Variants in PLCH2 observed in about 807,000 individuals in gnomAD.
The protein encoded by PLCH2 is phospholipase C eta 2.
In PLCH2, 98 loss-of-function variants were observed where a neutral mutation model predicts 134.7. That is an observed-to-expected ratio of 0.73 (90% CI 0.62 to 0.86). The LOEUF (loss-of-function observed/expected upper bound fraction) is 0.86. Among genes scored for constraint, PLCH2 ranks in the 40% least tolerant of loss-of-function variants. The probability of loss-of-function intolerance (pLI) is 0.00; values close to 1 mark genes in which losing one functional copy is unlikely to be tolerated. For missense variants in PLCH2, 1,994 were observed against 1,986.6 expected (o/e 1.00, Z -0.07); for synonymous variants, 974 against 827.5 (o/e 1.18, Z -3.04).
At chr1:2,430,610 C>A (rs999773443) in exon 2 of PLCH2, 1 of 134,638 alleles carries the variant, frequency 7.4e-6, no homozygotes, top group African/African-American at 2.6e-5. Context: ...TTTTCTTGAG[C>A]GCCAACATTC....
rs373840867 is a variant in PLCH2, at chr1:2,504,074, G to A, written c.3112G>A (p.Gly1038Arg). 95 of 1,548,440 alleles carry A rather than the reference G, an allele frequency of 6.1e-5. No homozygotes were observed. The East Asian group carries it at 8.3e-4, about 13-fold the overall frequency. ...QGRPPYPTGP[G>R]ANVASPLEDT... Reference sequence around the variant, plus strand: ...ACGGCCCCCATACCCCACAGGACCCGGAGCCAATGTGGCAAGCCCCCTAGA... The same window carrying A: ...ACGGCCCCCATACCCCACAGGACCCAGAGCCAATGTGGCAAGCCCCCTAGA... Residue 1038 changes from glycine to arginine, a missense_variant, in exon 22 of 22, where the codon GGA becomes AGA. By Grantham distance (125) the Gly-to-Arg change is moderately radical (BLOSUM62 -2). Coordinates refer to ENST00000378486, the MANE Select transcript of PLCH2 (RefSeq NM_014638.4).
In PLCH2 at chr1:2,450,081, G is replaced by A. The variant is rs559758840; in HGVS notation, c.115+19452G>A. 3.9e-5 allele frequency among the ~76,000 whole-genome samples: 6 copies of A among 152,352 alleles called. No homozygotes were observed. The South Asian group carries it at 6.2e-4, about 16-fold the overall frequency. ...CTCCTGAGCCACCTCAAGGAGCCCCGGCCCCTCCCAGCTGGGCCCGTCCCC... is the reference window on the plus strand; with the variant it reads ...CTCCTGAGCCACCTCAAGGAGCCCCAGCCCCTCCCAGCTGGGCCCGTCCCC... On this transcript the variant is annotated intron_variant, in intron 2 of 3. Coordinates refer to the PLCH2 transcript ENST00000609981.
intron 19 of PLCH2, 25 bp downstream of exon 19, chr1:2,499,255 C>T (rs773728881): frequency 2.5e-6 from 4 of 1,610,792 alleles, no homozygotes; most frequent in Non-Finnish European, 3.4e-6. Context: ...ACACGGTGCC[C>T]CCCACACTGG....
Position 2,450,231 on chromosome 1 carries a change from T to C in PLCH2, c.115+19602T>C, listed in dbSNP as rs1640127133. Among the ~76,000 whole-genome samples the C allele has an allele frequency of 2.6e-5, 4 of 152,262 alleles. No homozygotes were observed. The South Asian group carries it at 8.3e-4, about 32-fold the overall frequency. ...CTCCTCCCAGGAGGGAGTTTGGTTT[T>C]TGTCTGCAAAATGTGATCCTTCGAG... On this transcript the variant is annotated intron_variant, in intron 2 of 3. Transcript: ENST00000609981.
chr1:2,426,161 C>T (rs1165460039), intron 1 of PLCH2: 7 of 152,388 alleles, frequency 4.6e-5, no homozygotes, highest in Admixed American at 4.6e-4. Flanking sequence ...CAGGGTGTCA[C>T]CCATCAGAGC....
intron 2 of PLCH2, among the ~76,000 whole-genome samples, chr1:2,433,785 G>A (rs896130854): frequency 3.9e-5 from 6 of 152,318 alleles, no homozygotes; most frequent in East Asian, 3.9e-4. Flanking sequence ...CCGCTCCTTC[G>A]TGGCTTTGGG....
chr1:2,496,544 A>C (rs1468710192), intron 13 of PLCH2, 63 bp from the exon 14 acceptor site: 4 of 1,372,388 alleles, frequency 2.9e-6, no homozygotes, highest in Non-Finnish European at 3.1e-6. Flanking sequence ...AGCCCGTCTC[A>C]CGGAGCTGGG....
At chr1:2,453,837 G>A (rs866287788) in intron 2 of PLCH2, among the ~76,000 whole-genome samples, 39 of 152,184 alleles carry the variant, frequency 2.6e-4, no homozygotes, top group African/African-American at 8.9e-4. Flanking sequence ...GGCTGCTATG[G>A]CTTCCAGGGT....
the PLCH2 span, among the ~76,000 whole-genome samples, chr1:2,416,649 G>T: frequency 3.7e-4 from 56 of 152,330 alleles, 1 homozygote; most frequent in Admixed American, 2.0e-4. Context: ...TGGGGAGGGC[G>T]GGGCCCGGCA....
At chr1:2,491,151 C>A (rs1327257431) in intron 10 of PLCH2, 41 bp from the exon 11 acceptor site, 3 of 1,590,580 alleles carry the variant, frequency 1.9e-6, no homozygotes, top group Non-Finnish European at 2.6e-6. Context: ...ACTCGCAGGG[C>A]TCGGGACAGA....
intron 2 of PLCH2, among the ~76,000 whole-genome samples, chr1:2,443,933 A>G (rs1312159097): frequency 6.6e-6 from 1 of 151,694 alleles, no homozygotes; most frequent in African/African-American, 2.4e-5. Context: ...TGCAGCCGCC[A>G]CGGAGACAAT....
At position 2,436,281 on chromosome 1, in the gene PLCH2, CTCCCTCCTCCTTTCCTCCTTCT is replaced by C. The variant is rs1557942774; in HGVS notation, c.115+5663_115+5684del. On this transcript the variant is annotated intron_variant, in intron 2 of 3. Transcript: ENST00000609981. ...CTCCCTCCTCCTCCTTTCCTCCTTC[CTCCCTCCTCCTTTCCTCCTTCT>C]TCCCTCCTCCCTTCCTCCCTCCTCC... 8.4e-4 allele frequency among the ~76,000 whole-genome samples: 72 copies of C among 85,988 alleles called. 2 individuals carry two copies. Among genetic ancestry groups the C allele is most frequent in the African/African-American group, 3.1e-3 (68 of 22,150 alleles). The allele number at this position is 85,988 out of a possible 152,430, so 56.4% of individuals were successfully genotyped here.
At chr1:2,425,219 C>G (rs1170044715), upstream of PLCH2, among the ~76,000 whole-genome samples, 1 of 150,158 alleles carries the variant, frequency 6.7e-6, no homozygotes, top group African/African-American at 2.5e-5. Context: ...CGCATGCACA[C>G]ACACACATAT....
chr1:2,485,972 G>A (rs918952184), intron 5 of PLCH2, among the ~76,000 whole-genome samples: 1 of 152,166 alleles, frequency 6.6e-6, no homozygotes, highest in Non-Finnish European at 1.5e-5. Flanking sequence ...CAGTCCTGCA[G>A]GCATGACACC....
intron 2 of PLCH2, among the ~76,000 whole-genome samples, chr1:2,462,016 C>G (rs1032921265): frequency 6.6e-6 from 1 of 151,822 alleles, no homozygotes; most frequent in Admixed American, 6.6e-5. Context: ...GGCTGTGCCA[C>G]TCGGCAGCCC....
At position 2,443,350 on chromosome 1, in the gene PLCH2, G is replaced by A. The variant is rs1461289634; in HGVS notation, c.115+12721G>A. On this transcript the variant is annotated intron_variant, in intron 2 of 3. Coordinates refer to the PLCH2 transcript ENST00000609981. Reference sequence around the variant, plus strand: ...CAGGCCCCAGTCCTCAAACGCCAGGGTGTTGGGAGTGGGGGGTGGGTTGTA... The same window carrying A: ...CAGGCCCCAGTCCTCAAACGCCAGGATGTTGGGAGTGGGGGGTGGGTTGTA... Among the ~76,000 whole-genome samples, 3 of 152,218 alleles carry A rather than the reference G, an allele frequency of 2.0e-5. No homozygotes were observed. In the East Asian group the frequency reaches 5.8e-4, roughly 29 times the overall value.
At chr1:2,451,854 C>T (rs1640250356) in intron 2 of PLCH2, among the ~76,000 whole-genome samples, 1 of 152,128 alleles carries the variant, frequency 6.6e-6, no homozygotes, top group Non-Finnish European at 1.5e-5. Context: ...GGTGGGGGGA[C>T]TGTGATTCAG....
upstream of PLCH2, among the ~76,000 whole-genome samples, chr1:2,462,919 C>T (rs921730158): frequency 6.6e-6 from 1 of 152,196 alleles, no homozygotes; most frequent in Non-Finnish European, 1.5e-5. Flanking sequence ...AGTTTCCTAA[C>T]CGAAGCCGTA....
At chr1:2,502,947 C>G (rs1384885941) in intron 21 of PLCH2, 2 of 717,100 alleles carry the variant, frequency 2.8e-6, no homozygotes, top group Non-Finnish European at 5.2e-6. Context: ...CTCCCGCACG[C>G]CCCTGGCATG....
Sources: allele counts gnomAD v4.1 joint callset (sites outside exome capture counted in the v4.1 genomes callset), GRCh38; gene constraint gnomAD v4.1.1; transcripts MANE v1.5; gene names NCBI Gene and HGNC (gene_info 2026-07-23, HGNC 2026-07-21).